The following WWOX variants were observed in gnomAD, a reference collection of about 807,000 sequenced individuals.
WWOX encodes WW domain containing oxidoreductase.
Under a neutral mutation model 46.2 loss-of-function variants are expected in WWOX, and 69 were observed. The ratio of observed to expected loss-of-function variants is 1.49; its 90% CI spans 1.23 to 1.82. The LOEUF (loss-of-function observed/expected upper bound fraction) is 1.82. Among genes scored for constraint, WWOX ranks in the 40% most tolerant of loss-of-function variants. The pLI is 0.00. For synonymous variants in WWOX, 359 were observed against 202.6 expected, an observed-to-expected ratio of 1.77 and a Z score of -6.56; for missense variants, 919 against 542.6, an observed-to-expected ratio of 1.69 and a Z score of -6.89.
chr16:78,572,964 C>G lies in WWOX; in HGVS notation c.1056+140212C>G, dbSNP rs565367236. 9.2e-5 allele frequency among the ~76,000 whole-genome samples: 14 copies of G among 152,254 alleles called. No homozygotes were observed. The South Asian group carries it at 1.5e-3, about 16-fold the overall frequency. On this transcript the variant is annotated intron_variant, in intron 8 of 8. Coordinates refer to ENST00000566780, the MANE Select transcript of WWOX (RefSeq NM_016373.4). ...TTATATGTGGCACATATCACATAAT[C>G]TGAAAGAATCTGCTTCCTGTAGTAA... is the stretch of plus-strand genomic sequence containing the variant.
At chr16:78,198,660 GA>G (rs1339415432) in intron 5 of WWOX, among the ~76,000 whole-genome samples, 1 of 152,152 alleles carries the variant, frequency 6.6e-6, no homozygotes, top group Non-Finnish European at 1.5e-5. Context: ...ACTATCTAAT[GA>G]CTTTTGCTGT....
chr16:78,534,357 C>A (rs1319606151), intron 8 of WWOX: 1 of 152,152 alleles, frequency 6.6e-6, no homozygotes, highest in African/African-American at 2.4e-5. Flanking sequence ...TTATAAATCC[C>A]CTTTGTATTT....
chr16:79,036,869 A>G (rs949931632), intron 8 of WWOX, among the ~76,000 whole-genome samples: 2 of 152,206 alleles, frequency 1.3e-5, no homozygotes, highest in African/African-American at 4.8e-5. Flanking sequence ...AGAGGATCAG[A>G]TTCAGTGGAA....
At chr16:78,578,358 C>A (rs1342538176) in intron 8 of WWOX, among the ~76,000 whole-genome samples, 4 of 131,546 alleles carry the variant, frequency 3.0e-5, no homozygotes, top group African/African-American at 1.2e-4. Context: ...GGCGCAATCT[C>A]GGCTCACTGC....
At chr16:79,189,354 C>G (rs372800588) in intron 8 of WWOX, among the ~76,000 whole-genome samples, 1 of 151,512 alleles carries the variant, frequency 6.6e-6, no homozygotes, top group African/African-American at 2.4e-5. Context: ...ACTTCCCAGG[C>G]TTAGGTGATC....
In WWOX at chr16:78,152,244, C is replaced by G. The variant is rs117413095; in HGVS notation, c.410-11939C>G. ...GAAATGTTTCCTTGCATCTCCGTAT[C>G]ATTTCTCCTCATTCTTTTTAGGTGT... is the stretch of plus-strand genomic sequence containing the variant. On this transcript the variant is annotated intron_variant, in intron 4 of 8. Transcript: ENST00000566780. Among the ~76,000 whole-genome samples, 1,464 of 151,880 alleles carry G rather than the reference C, an allele frequency of 9.6e-3. 6 individuals carry two copies. Among genetic ancestry groups the G allele is most frequent in the Non-Finnish European group, 0.018 (1,203 of 67,960 alleles).
chr16:78,720,668 T>C (rs1271237168), intron 8 of WWOX, among the ~76,000 whole-genome samples: 1 of 152,106 alleles, frequency 6.6e-6, no homozygotes. Flanking sequence ...GCTCTGACTA[T>C]ATAACAGAAA....
chr16:78,718,092 G>GGTTTTTTTTTTTTTTATTTTT (rs1555522406), intron 8 of WWOX, among the ~76,000 whole-genome samples: 1 of 139,616 alleles, frequency 7.2e-6, no homozygotes, highest in Non-Finnish European at 1.5e-5. Flanking sequence ...GGTTCTGGTG[G>GGTTTTTTTTTTTTTTATTTTT]TTGTATTTTT....
At chr16:78,874,684 CTTTT>C (rs552696627) in intron 8 of WWOX, among the ~76,000 whole-genome samples, 6 of 83,492 alleles carry the variant, frequency 7.2e-5, no homozygotes, top group Admixed American at 1.8e-4. Flanking sequence ...AGATTTTTTT[CTTTT>C]TTTTTTTTTT....
chr16:78,289,035 C>T (rs982156464), intron 5 of WWOX, among the ~76,000 whole-genome samples: 1 of 152,132 alleles, frequency 6.6e-6, no homozygotes, highest in Non-Finnish European at 1.5e-5. Context: ...TAACACAAGG[C>T]GTGCCAACAG....
chr16:78,747,933 C>T (rs975469245), intron 8 of WWOX, among the ~76,000 whole-genome samples: 1 of 152,172 alleles, frequency 6.6e-6, no homozygotes, highest in Non-Finnish European at 1.5e-5. Flanking sequence ...TTCTTAGACT[C>T]AGCATCCTGC....
At chr16:78,836,004 C>T (rs1465948991) in intron 8 of WWOX, among the ~76,000 whole-genome samples, 1 of 152,124 alleles carries the variant, frequency 6.6e-6, no homozygotes, top group Non-Finnish European at 1.5e-5. Context: ...ATTCTTGTTC[C>T]CTTCAATGTA....
chr16:78,324,849 G>A (rs2080575554), intron 5 of WWOX, among the ~76,000 whole-genome samples: 1 of 152,134 alleles, frequency 6.6e-6, no homozygotes, highest in Non-Finnish European at 1.5e-5. Context: ...AATTGTCTGT[G>A]TTGGTTGCAC....
rs139522802 is a variant in WWOX at position 78,720,401 on chromosome 16, A to T, written c.1056+287649A>T. Among the ~76,000 whole-genome samples, 7 of 152,226 alleles carry T rather than the reference A, an allele frequency of 4.6e-5. No homozygotes were observed. The East Asian group carries it at 1.4e-3, about 29-fold the overall frequency. ...TGCTTGCCAATGGTCAGATCTGTTA[A>T]CACGAAAACTAAAAACTTATACATC... On this transcript the variant is annotated intron_variant, in intron 8 of 8. Transcript: ENST00000566780.
chr16:78,452,220 C>A (rs926001531), intron 8 of WWOX, among the ~76,000 whole-genome samples: 1 of 152,146 alleles, frequency 6.6e-6, no homozygotes, highest in Non-Finnish European at 1.5e-5. Flanking sequence ...ATTGTCCGCA[C>A]TCATAAAAAG....
intron 5 of WWOX, among the ~76,000 whole-genome samples, chr16:78,176,111 C>A (rs916590927): frequency 2.6e-5 from 4 of 152,336 alleles, no homozygotes; most frequent in African/African-American, 9.6e-5. Context: ...ATATTGAAGG[C>A]AGAATCTTCC....
chr16:78,701,210 T>C (rs2048208705), intron 8 of WWOX, among the ~76,000 whole-genome samples: 1 of 152,150 alleles, frequency 6.6e-6, no homozygotes, highest in Non-Finnish European at 1.5e-5. Context: ...GCTGTGGTTA[T>C]TTAGTTATCT....
In WWOX at chr16:78,432,524, C is replaced by G. The variant is rs372225190; in HGVS notation, c.828C>G (p.Asp276Glu). 6.2e-7 allele frequency: 1 copy of G among 1,614,160 alleles called. No individual in the cohort carries two copies. Among genetic ancestry groups the G allele is most frequent in the Non-Finnish European group, 8.5e-7 (1 of 1,180,032 alleles). ...TTAACGACTCCTTGGGAAAACTGGA[C>G]TTCAGTCGCCTCTCTCCAACAAAAA... The part of the protein sequence containing the change: ...TDINDSLGKL[D>E]FSRLSPTKND... The change falls in exon 8 of 9, where the codon GAC (aspartate) becomes GAG (glutamate). Residue 276 changes from aspartate (D) to glutamate (E), a missense_variant. Physicochemically the swap from Asp to Glu is conservative, Grantham distance 45. Coordinates refer to ENST00000566780, the MANE Select transcript of WWOX (RefSeq NM_016373.4).
rs935134346 is a variant in WWOX, at chr16:78,765,026, C to T, written c.1056+332274C>T. On this transcript the variant is annotated intron_variant, in intron 8 of 8. Coordinates refer to ENST00000566780, the MANE Select transcript of WWOX (RefSeq NM_016373.4). ...TGCAGGAAGGAACAGGACAAGAACCCAGATCCCTGCCCAACAGGACAGTGG... is the reference window on the plus strand; with the variant it reads ...TGCAGGAAGGAACAGGACAAGAACCTAGATCCCTGCCCAACAGGACAGTGG... Among the ~76,000 whole-genome samples, 6 of 152,114 alleles carry T rather than the reference C, an allele frequency of 3.9e-5. No homozygotes were observed. In the East Asian group the frequency reaches 5.8e-4, roughly 15 times the overall value.
Sources: gnomAD v4.1 joint callset for allele counts (sites outside exome capture counted in the v4.1 genomes callset) on GRCh38, gnomAD v4.1.1 for gene constraint, MANE v1.5 for transcripts, NCBI Gene and HGNC (gene_info 2026-07-23, HGNC 2026-07-21) for gene names.